DMD: variants seen among roughly 807,000 people sequenced by gnomAD.
DMD encodes the protein mutant dystrophin.
A neutral mutation model predicts 330.1 loss-of-function variants in DMD; 63 were observed. That is an observed-to-expected ratio of 0.19 (90% CI 0.16 to 0.24). The LOEUF (loss-of-function observed/expected upper bound fraction) is 0.24, where lower values mean the gene tolerates loss of function less well. DMD is among the 10% of genes least tolerant of loss of function. The pLI, the probability that DMD is intolerant of heterozygous loss-of-function variation, is 1.00. For missense variants in DMD, 3,344 were observed against 2,684.1 expected (o/e 1.25, Z -5.43); for synonymous variants, 1,223 against 959.8 (o/e 1.27, Z -5.07).
intron 67 of DMD, among the ~76,000 whole-genome samples, chrX:31,183,991 C>A (rs1428164477): frequency 9.2e-6 from 1 of 109,147 alleles, no homozygotes; most frequent in Non-Finnish European, 1.9e-5. Flanking sequence ...CTCCTGCAAT[C>A]TCCGCCTCCT....
chrX:31,818,780 C>T (rs377585618), intron 50 of DMD, among the ~76,000 whole-genome samples: 6 of 110,082 alleles, frequency 5.5e-5, no homozygotes, highest in African/African-American at 1.7e-4. Flanking sequence ...TCTCCAAAGT[C>T]GTTAAATCTA....
rs183487294 is a variant in DMD, at chrX:32,182,326, A to G, written c.6438+34590T>C. 3.5e-3 allele frequency among the ~76,000 whole-genome samples: 398 copies of G among 112,409 alleles called. 1 individual carries two copies. The highest frequency in any genetic ancestry group is 6.1e-3 in the Non-Finnish European group (324 of 53,217). ...GATTTTATTGGATATGTAATTTTATATACATATTGTATTACATACCTCTAC... is the reference window on the plus strand; with the variant it reads ...GATTTTATTGGATATGTAATTTTATGTACATATTGTATTACATACCTCTAC... On this transcript the variant is annotated intron_variant, in intron 44 of 78. Coordinates refer to ENST00000357033, the MANE Select transcript of DMD (RefSeq NM_004006.3).
chrX:33,336,269 GT>G (rs2054253591), intron 1 of DMD, among the ~76,000 whole-genome samples: 1 of 107,905 alleles, frequency 9.3e-6, no homozygotes, highest in African/African-American at 3.4e-5. Flanking sequence ...GTGTGTGTGT[GT>G]GTGTGTATGC....
At chrX:32,026,513 CAT>C (rs1224069629) in intron 44 of DMD, among the ~76,000 whole-genome samples, 1 of 112,204 alleles carries the variant, frequency 8.9e-6, no homozygotes, top group Non-Finnish European at 1.9e-5. Flanking sequence ...AAGACAAAAA[CAT>C]ATATAGAGAA....
intron 55 of DMD, among the ~76,000 whole-genome samples, chrX:31,613,238 A>G (rs1312514766): frequency 1.8e-5 from 2 of 112,153 alleles, no homozygotes; most frequent in East Asian, 5.6e-4. Context: ...ACTGATTGAC[A>G]AATAGAATAT....
intron 1 of DMD, among the ~76,000 whole-genome samples, chrX:33,116,382 G>A (rs992955610): frequency 7.3e-5 from 8 of 109,304 alleles, no homozygotes; most frequent in Non-Finnish European, 1.3e-4. Flanking sequence ...GTGGTGGAGC[G>A]CTGGTAGTCC....
rs746704240 is a variant in DMD at position 32,053,361 on chromosome X, A to T, written c.6439-84847T>A. Among the ~76,000 whole-genome samples, 240 of 83,412 alleles carry T rather than the reference A, an allele frequency of 2.9e-3. 1 individual carries two copies. The highest frequency in any genetic ancestry group is 0.015 in the African/African-American group (233 of 15,672). 72.4% of individuals were successfully genotyped at this position (83,412 alleles called of 115,157 possible). On this transcript the variant is annotated intron_variant, in intron 44 of 78. Coordinates refer to ENST00000357033, the MANE Select transcript of DMD (RefSeq NM_004006.3). ...AAAGTATGCTGAAACATTCTTTCCT[A>T]TACTTCTTTTTATCATTTGGTCCTG... is the stretch of plus-strand genomic sequence containing the variant.
chrX:32,317,333 A>G (rs1002950637), intron 41 of DMD, among the ~76,000 whole-genome samples: 53 of 111,757 alleles, frequency 4.7e-4, no homozygotes, highest in African/African-American at 1.7e-3. Flanking sequence ...ATCAATGCTT[A>G]ATGACTATTA....
intron 44 of DMD, among the ~76,000 whole-genome samples, chrX:31,991,762 A>T (rs2095552218): frequency 7.4e-5 from 1 of 13,440 alleles, no homozygotes; most frequent in Admixed American, 6.7e-4. Flanking sequence ...TACAGACTTT[A>T]AAAAAAAAAA....
At chrX:32,622,137 C>A (rs147481840) in intron 11 of DMD, among the ~76,000 whole-genome samples, 1 of 111,584 alleles carries the variant, frequency 9.0e-6, no homozygotes, top group East Asian at 2.8e-4. Context: ...CTTTTACATT[C>A]TCTTCCTGAC....
chrX:32,653,744 T>C (rs1403678175), intron 9 of DMD, among the ~76,000 whole-genome samples: 1 of 111,826 alleles, frequency 8.9e-6, no homozygotes, highest in African/African-American at 3.3e-5. Context: ...TAAATTACCT[T>C]GGGCAGTATG....
chrX:32,015,744 T>A (rs956433101), intron 44 of DMD, among the ~76,000 whole-genome samples: 2 of 112,016 alleles, frequency 1.8e-5, no homozygotes, highest in African/African-American at 3.2e-5. Flanking sequence ...AGGACATATA[T>A]ATTCTCCCTG....
chrX:32,091,871 T>C (rs1424827453), intron 44 of DMD, among the ~76,000 whole-genome samples: 1 of 111,490 alleles, frequency 9.0e-6, no homozygotes, highest in Non-Finnish European at 1.9e-5. Context: ...GGGGGTTTAT[T>C]AATATTTCTG....
At chrX:32,763,921 A>G (rs927646411) in intron 7 of DMD, among the ~76,000 whole-genome samples, 2 of 111,481 alleles carry the variant, frequency 1.8e-5, no homozygotes, top group Non-Finnish European at 3.8e-5. Context: ...CCCCAAATTA[A>G]AAACAGCCTA....
At chrX:32,873,547 G>C (rs997404727) in intron 2 of DMD, among the ~76,000 whole-genome samples, 1 of 111,396 alleles carries the variant, frequency 9.0e-6, no homozygotes, top group Non-Finnish European at 1.9e-5. Flanking sequence ...GTACATCAAG[G>C]CACATTTCTG....
At chrX:33,243,075 C>T (rs1296965936) in intron 1 of DMD, among the ~76,000 whole-genome samples, 1 of 111,731 alleles carries the variant, frequency 9.0e-6, no homozygotes, top group African/African-American at 3.3e-5. Context: ...GCTGACTGTT[C>T]CTTTTGCCCT....
chrX:31,156,464 C>T (rs1672426662), intron 74 of DMD, among the ~76,000 whole-genome samples: 1 of 111,977 alleles, frequency 8.9e-6, no homozygotes, highest in Admixed American at 9.5e-5. Flanking sequence ...TGCCTTTCAC[C>T]ATCCATGGCT....
At position 32,742,539 on chromosome X, in the gene DMD, C is replaced by T. The variant is rs3795201; in HGVS notation, c.650-43246G>A. 4.2e-3 allele frequency among the ~76,000 whole-genome samples: 463 copies of T among 111,196 alleles called. 5 individuals are homozygous for T. The highest frequency in any genetic ancestry group is 0.027 in the Admixed American group (284 of 10,413). On this transcript the variant is annotated intron_variant, in intron 7 of 78. Transcript: ENST00000357033. ...GTAAGTTTAAGCTGCTGGGCAAGGC[C>T]GAAGCATGAAATATTCAGAAGGGAT...
intron 34 of DMD, among the ~76,000 whole-genome samples, chrX:32,376,377 G>T (rs1300684256): frequency 1.8e-5 from 2 of 111,656 alleles, no homozygotes; most frequent in Admixed American, 1.9e-4. Flanking sequence ...CTCTGAAGGT[G>T]CATGGGGCTG....
Sources: allele counts gnomAD v4.1 joint callset (sites outside exome capture counted in the v4.1 genomes callset), GRCh38; gene constraint gnomAD v4.1.1; transcripts MANE v1.5; gene names NCBI Gene and HGNC (gene_info 2026-07-23, HGNC 2026-07-21).